SIN3B: variants seen among roughly 807,000 people sequenced by gnomAD.
SIN3B encodes the protein paired amphipathic helix protein Sin3b.
Under a neutral mutation model 120.2 loss-of-function variants are expected in SIN3B, and 19 were observed. That is an observed-to-expected ratio of 0.16 (90% CI 0.11 to 0.23). The LOEUF (loss-of-function observed/expected upper bound fraction) is 0.23. Among genes scored for constraint, SIN3B ranks in the 10% least tolerant of loss-of-function variants. The pLI is 1.00. For missense variants in SIN3B, 1,073 were observed against 1,573.0 expected, an observed-to-expected ratio of 0.68 and a Z score of 5.38; for synonymous variants, 654 against 653.2, an observed-to-expected ratio of 1.00 and a Z score of -0.02.
Position 16,876,329 on chromosome 19 carries a change from C to G in SIN3B, c.2766+101C>G. Reference sequence around the variant, plus strand: ...GACCCTGGTTCAGCGGCTGGGACACCGGCCCTGCTGCAGAGCCCATGAGGT... The same window carrying G: ...GACCCTGGTTCAGCGGCTGGGACACGGGCCCTGCTGCAGAGCCCATGAGGT... On this transcript the variant is annotated intron_variant, in intron 15 of 18. Coordinates refer to ENST00000248054, the MANE Select transcript of SIN3B (RefSeq NM_001297595.2). The surrounding 1 kb of genome is among the most constrained non-coding windows in gnomAD (Gnocchi z 7.1). The G allele has an allele frequency of 7.0e-7, 1 of 1,432,172 alleles. No homozygotes were observed. The highest frequency in any genetic ancestry group is 9.5e-7 in the Non-Finnish European group (1 of 1,054,514). 88.7% of individuals were successfully genotyped at this position (1,432,172 alleles called of 1,614,324 possible). A position where few individuals can be genotyped will look rare whatever the true frequency, so the allele number is the denominator to read the frequency against.
intron 3 of SIN3B, among the ~76,000 whole-genome samples, chr19:16,832,191 C>CTTTTTTTTT (rs10528185): frequency 1.6e-5 from 2 of 125,432 alleles, no homozygotes; most frequent in Non-Finnish European, 3.3e-5. Flanking sequence ...TGCTGGCCCT[C>CTTTTTTTTT]TTTTTTTTTT....
chr19:16,859,446 A>G (rs889922558), intron 8 of SIN3B, among the ~76,000 whole-genome samples: 1 of 152,104 alleles, frequency 6.6e-6, no homozygotes, highest in Admixed American at 6.5e-5. Flanking sequence ...AACAATGGAC[A>G]TTTGTCTCTA....
chr19:16,845,908 T>A (rs897983663), intron 4 of SIN3B, among the ~76,000 whole-genome samples: 9 of 152,158 alleles, frequency 5.9e-5, no homozygotes, highest in Admixed American at 2.0e-4. Flanking sequence ...CAAATTTTTT[T>A]AATCATTTCT....
chr19:16,866,760 C>CTGTT (rs903357019), intron 12 of SIN3B, among the ~76,000 whole-genome samples: 35 of 152,246 alleles, frequency 2.3e-4, no homozygotes, highest in Admixed American at 2.0e-4. Flanking sequence ...CATTGTCTAT[C>CTGTT]TGTTTGTTTG....
intron 18 of SIN3B, 26 bp from the exon 19 acceptor site, chr19:16,878,471 G>C (rs758745658): frequency 3.5e-5 from 55 of 1,563,892 alleles, no homozygotes; most frequent in Non-Finnish European, 4.6e-5. Flanking sequence ...GCCCTCAGCT[G>C]CCCTGACACC....
rs1555743001 is a variant in SIN3B at position 16,865,310 on chromosome 19, C to CCT, written c.1384-99_1384-98insTC. 8.8e-5 allele frequency: 48 copies of CCT among 548,140 alleles called. 3 individuals are homozygous for CCT. The highest frequency in any genetic ancestry group is 1.5e-4 in the Non-Finnish European group (45 of 296,678). The allele number at this position is 548,140 out of a possible 1,614,324, so 34.0% of individuals were successfully genotyped here. ...CCCTATCTCTTAAATACACACACCC[C>CCT]CCCCCCAAAAAAATCCTCTGGTCTC... On this transcript the variant is annotated intron_variant, in intron 10 of 18. Coordinates refer to ENST00000248054, the MANE Select transcript of SIN3B (RefSeq NM_001297595.2).
intron 4 of SIN3B, among the ~76,000 whole-genome samples, chr19:16,842,848 C>T (rs1296912893): frequency 6.6e-6 from 1 of 152,170 alleles, no homozygotes; most frequent in East Asian, 1.9e-4. Context: ...CAGGTTGAAT[C>T]TTGACATATC....
rs78941635 is a variant in SIN3B at position 16,847,263 on chromosome 19, G to T, written c.726+150G>T. 4 of 770,020 alleles carry T rather than the reference G, an allele frequency of 5.2e-6. No individual in the cohort carries two copies. The African/African-American group carries it at 5.3e-5, about 10-fold the overall frequency. 47.7% of individuals were successfully genotyped at this position (770,020 alleles called of 1,614,324 possible). A position where few individuals can be genotyped will look rare whatever the true frequency, so the allele number is the denominator to read the frequency against. ...CTACGCAGGTTGCAGATACCCAGGGGTTCCTCACTGTAGGCTCCACCTGCA... is the reference window on the plus strand; with the variant it reads ...CTACGCAGGTTGCAGATACCCAGGGTTTCCTCACTGTAGGCTCCACCTGCA... On this transcript the variant is annotated intron_variant, in intron 5 of 18. Coordinates refer to ENST00000248054, the MANE Select transcript of SIN3B (RefSeq NM_001297595.2).
At chr19:16,857,517 A>ATGTGTGTGTGTGTGTGTGTGTG (rs72233219) in intron 8 of SIN3B, among the ~76,000 whole-genome samples, 18 of 93,476 alleles carry the variant, frequency 1.9e-4, no homozygotes, top group African/African-American at 2.3e-4. Context: ...TAAAAAAAAT[A>ATGTGTGTGTGTGTGTGTGTGTG]TGTGTGTGTG....
At chr19:16,855,507 G>A (rs914254859) in intron 8 of SIN3B, 2 of 150,870 alleles carry the variant, frequency 1.3e-5, no homozygotes, top group African/African-American at 4.9e-5. Flanking sequence ...GATTGCCTGA[G>A]GTCAGGAGTT....
intron 6 of SIN3B, 44 bp downstream of exon 6, chr19:16,851,578 C>A: frequency 6.5e-7 from 1 of 1,530,428 alleles, no homozygotes; most frequent in South Asian, 1.3e-5. Flanking sequence ...GCGGGGCCCC[C>A]AGCAAATCGG....
chr19:16,829,740 G>C, intron 1 of SIN3B, 51 bp from the exon 2 acceptor site: 2 of 1,473,244 alleles, frequency 1.4e-6, no homozygotes, highest in Non-Finnish European at 1.9e-6. Flanking sequence ...CCGGCCCCTC[G>C]TCCCCTCGTT....
At chr19:16,872,405 AC>A (rs1461012630) in intron 14 of SIN3B, 1 of 150,554 alleles carries the variant, frequency 6.6e-6, no homozygotes, top group Non-Finnish European at 1.5e-5. Context: ...GCCACCTGCC[AC>A]CCATGGACAC....
chr19:16,869,640 G>T lies in SIN3B; in HGVS notation c.1987G>T (p.Val663Leu), dbSNP rs1300020505. ...GTIHQLLHQF[V>L]PSLFFSQQLD... ...CATCCACCAGCTGCTGCACCAGTTC[G>T]TGCCCAGCCTCTTCTTCTCTCAGCA... Residue 663 changes from valine to leucine, a missense_variant, in exon 13 of 19, where the codon GTG (valine) becomes TTG (leucine). Transcript: ENST00000248054. 1.2e-6 allele frequency: 2 copies of T among 1,613,428 alleles called. No individual in the cohort carries two copies. The highest frequency in any genetic ancestry group is 3.3e-5 in the Admixed American group (2 of 60,010).
chr19:16,840,074 T>A (rs966739337), intron 3 of SIN3B, among the ~76,000 whole-genome samples: 10 of 152,148 alleles, frequency 6.6e-5, no homozygotes, highest in African/African-American at 2.4e-4. Context: ...GCGTCTTGTA[T>A]TTCTGCTTTT....
At chr19:16,871,564 T>C in intron 14 of SIN3B, 166 bp downstream of exon 14, 3 of 625,934 alleles carry the variant, frequency 4.8e-6, no homozygotes, top group Non-Finnish European at 8.2e-6. Context: ...TTTTGAAGTG[T>C]ACAGTTTGGT....
In SIN3B at chr19:16,879,016, C is replaced by T. The variant is rs147298592; in HGVS notation, c.*289C>T. The T allele has an allele frequency of 8.6e-5, 42 of 488,134 alleles. No individual in the cohort carries two copies. The highest frequency in any genetic ancestry group is 1.4e-4 in the Non-Finnish European group (39 of 275,008). 30.2% of individuals were successfully genotyped at this position (488,134 alleles called of 1,614,324 possible). On this transcript the variant is annotated 3_prime_UTR_variant, in exon 19 of 19. Transcript: ENST00000248054. Reference sequence around the variant, plus strand: ...AAGCAATCATGTTTGCGTCCCCGTCCGTCACATGTGCCAAATCCCTGGCAG... The same window carrying T: ...AAGCAATCATGTTTGCGTCCCCGTCTGTCACATGTGCCAAATCCCTGGCAG...
At chr19:16,843,824 C>T (rs2144585986) in intron 4 of SIN3B, among the ~76,000 whole-genome samples, 1 of 150,082 alleles carries the variant, frequency 6.7e-6, no homozygotes, top group Middle Eastern at 3.4e-3. Flanking sequence ...TTCATCAGGG[C>T]CCGCCCGGCA....
In SIN3B at chr19:16,876,469, G is replaced by A; in HGVS notation, c.2767-17G>A. The A allele has an allele frequency of 6.2e-7, 1 of 1,609,064 alleles. No individual in the cohort carries two copies. Among genetic ancestry groups the A allele is most frequent in the Non-Finnish European group, 8.5e-7 (1 of 1,176,846 alleles). ...GCTGTGCCGGCAGTGGAGGCTGTCA[G>A]CGTTCCTGCTCCGCAGGTGATGTTC... is the stretch of plus-strand genomic sequence containing the variant. On this transcript the variant is annotated splice_polypyrimidine_tract_variant and intron_variant, in intron 15 of 18. Coordinates refer to ENST00000248054, the MANE Select transcript of SIN3B (RefSeq NM_001297595.2). The surrounding 1 kb of genome is among the most constrained non-coding windows in gnomAD (Gnocchi z 7.1).
Sources: allele counts gnomAD v4.1 joint callset (sites outside exome capture counted in the v4.1 genomes callset), GRCh38; gene constraint gnomAD v4.1.1; non-coding constraint Gnocchi (gnomAD v3.1); transcripts MANE v1.5; gene names NCBI Gene and HGNC (gene_info 2026-07-23, HGNC 2026-07-21).